Variants in VPS53 observed in about 807,000 individuals in gnomAD.
The protein encoded by VPS53 is vacuolar protein sorting-associated protein 53 homolog.
VPS53 carries 70 observed loss-of-function variants against 107.0 expected under a neutral mutation model. The ratio of observed to expected loss-of-function variants is 0.65; its 90% CI spans 0.54 to 0.80. The LOEUF is 0.80. Among genes scored for constraint, VPS53 ranks in the 30% least tolerant of loss-of-function variants. The pLI is 0.00. For missense variants in VPS53, 917 were observed against 1,049.4 expected, an observed-to-expected ratio of 0.87 and a Z score of 1.74; for synonymous variants, 409 against 393.3, an observed-to-expected ratio of 1.04 and a Z score of -0.47.
intron 17 of VPS53, among the ~76,000 whole-genome samples, chr17:544,387 C>T (rs1237334820): frequency 6.6e-6 from 1 of 152,220 alleles, no homozygotes; most frequent in Non-Finnish European, 1.5e-5. Flanking sequence ...TGCTTGCAAT[C>T]CCAGCAGTTT....
intron 12 of VPS53, among the ~76,000 whole-genome samples, chr17:594,106 C>T (rs1401702278): frequency 6.7e-6 from 1 of 150,360 alleles, no homozygotes; most frequent in African/African-American, 2.5e-5. Flanking sequence ...GGGAATTGAA[C>T]AATGAGAACA....
At chr17:523,433 G>T (rs975880649) in intron 19 of VPS53, 1 of 152,284 alleles carries the variant, frequency 6.6e-6, no homozygotes, top group African/African-American at 2.4e-5. Flanking sequence ...CTATCAGGTA[G>T]GTGAGAAATG....
At chr17:651,928 C>T (rs1970967679) in intron 7 of VPS53, among the ~76,000 whole-genome samples, 1 of 152,040 alleles carries the variant, frequency 6.6e-6, no homozygotes, top group African/African-American at 2.4e-5. Flanking sequence ...TAAAACTCAA[C>T]AGCAATAAGA....
intron 15 of VPS53, among the ~76,000 whole-genome samples, chr17:559,124 G>A (rs1912712414): frequency 6.6e-6 from 1 of 152,044 alleles, no homozygotes; most frequent in Admixed American, 6.6e-5. Context: ...TATAATGACA[G>A]GAGAAATGCT....
chr17:543,522 T>A (rs79477300), intron 17 of VPS53, among the ~76,000 whole-genome samples: 2,914 of 151,896 alleles, frequency 0.019, 81 homozygotes, highest in African/African-American at 0.067. Flanking sequence ...TGAGCAGCCC[T>A]AGGAAAAGGC....
intron 18 of VPS53, among the ~76,000 whole-genome samples, chr17:534,804 G>A (rs1251575941): frequency 1.3e-5 from 2 of 151,998 alleles, no homozygotes; most frequent in Non-Finnish European, 2.9e-5. Context: ...TGTAATCCCA[G>A]CTATTCAGGA....
chr17:542,776 C>T (rs1376208042), intron 17 of VPS53, among the ~76,000 whole-genome samples: 1 of 151,960 alleles, frequency 6.6e-6, no homozygotes, highest in Non-Finnish European at 1.5e-5. Context: ...GCCAGGAATT[C>T]GAGACCAGCC....
chr17:551,780 G>A (rs1370631834), intron 17 of VPS53, 92 bp downstream of exon 17: 11 of 1,162,280 alleles, frequency 9.5e-6, no homozygotes, highest in African/African-American at 4.7e-5. Context: ...TTTACGCTCC[G>A]ATGAGCCTGG....
chr17:579,110 T>TC (rs1371524524), intron 13 of VPS53, among the ~76,000 whole-genome samples: 1 of 148,972 alleles, frequency 6.7e-6, no homozygotes, highest in African/African-American at 2.5e-5. Context: ...CCTAATGCGG[T>TC]CCCAGAGAAC....
chr17:579,618 T>C (rs192952673), intron 13 of VPS53, among the ~76,000 whole-genome samples: 18 of 139,376 alleles, frequency 1.3e-4, no homozygotes, highest in African/African-American at 2.6e-4. Context: ...CCTCAGAACC[T>C]AATGCATTCC....
chr17:587,068 T>C lies in VPS53; in HGVS notation c.1219-704A>G, dbSNP rs409658. ...AAAAAAAAACAAATAAAGGGTTTTTTTGTTTGCTTTTTGAGACAGAGTCTC... is the reference window on the plus strand; with the variant it reads ...AAAAAAAAACAAATAAAGGGTTTTTCTGTTTGCTTTTTGAGACAGAGTCTC... On this transcript the variant is annotated intron_variant, in intron 12 of 21. Transcript: ENST00000437048. Among the ~76,000 whole-genome samples the C allele has an allele frequency of 8.9e-3, 1,356 of 152,260 alleles. 26 individuals carry two copies. The highest frequency in any genetic ancestry group is 0.031 in the African/African-American group (1,295 of 41,538).
At chr17:559,137 T>C (rs1347466755) in intron 15 of VPS53, among the ~76,000 whole-genome samples, 2 of 152,196 alleles carry the variant, frequency 1.3e-5, no homozygotes, top group Admixed American at 1.3e-4. Flanking sequence ...GAAATGCTAA[T>C]GCTATGTATG....
intron 13 of VPS53, among the ~76,000 whole-genome samples, chr17:584,819 C>A (rs1246660387): frequency 2.6e-5 from 4 of 152,178 alleles, no homozygotes; most frequent in African/African-American, 4.8e-5. Context: ...ACCCACTGTA[C>A]CTGGCCACGT....
chr17:620,876 G>A lies in VPS53; in HGVS notation c.1116+2657C>T, dbSNP rs572140665. Among the ~76,000 whole-genome samples the A allele has an allele frequency of 1.4e-4, 22 of 152,110 alleles. No individual in the cohort carries two copies. The South Asian group carries it at 3.7e-3, about 26-fold the overall frequency. ...TCCCACCTCAGCCTCTCAAAGTGCT[G>A]GGATTATAGGCATGAGCCACCGCAC... On this transcript the variant is annotated intron_variant, in intron 11 of 21. Transcript: ENST00000437048.
intron 4 of VPS53, among the ~76,000 whole-genome samples, chr17:692,067 C>G (rs1201062486): frequency 6.6e-6 from 1 of 152,152 alleles, no homozygotes; most frequent in Non-Finnish European, 1.5e-5. Flanking sequence ...TACATTGCAG[C>G]CAGGCTCCAT....
At chr17:686,266 GC>G (rs1317998046) in intron 4 of VPS53, among the ~76,000 whole-genome samples, 1 of 152,032 alleles carries the variant, frequency 6.6e-6, no homozygotes. Context: ...GCTAGAGTGA[GC>G]TACGATCCTG....
At chr17:708,170 C>T (rs940429207) in intron 2 of VPS53, among the ~76,000 whole-genome samples, 1 of 152,154 alleles carries the variant, frequency 6.6e-6, no homozygotes, top group East Asian at 1.9e-4. Context: ...GCCCGGGGCA[C>T]CACTACCACC....
chr17:680,806 C>T (rs561168337), intron 4 of VPS53, among the ~76,000 whole-genome samples: 101 of 152,310 alleles, frequency 6.6e-4, no homozygotes, highest in African/African-American at 2.2e-3. Flanking sequence ...AACAGATACA[C>T]TATGTAAAGT....
chr17:666,203 G>C (rs1971676325), intron 4 of VPS53, among the ~76,000 whole-genome samples: 1 of 152,136 alleles, frequency 6.6e-6, no homozygotes, highest in East Asian at 1.9e-4. Context: ...GCACAGGGCT[G>C]ACCCTTGGGC....
Sources: allele counts gnomAD v4.1 joint callset (sites outside exome capture counted in the v4.1 genomes callset), GRCh38; gene constraint gnomAD v4.1.1; transcripts MANE v1.5; gene names NCBI Gene and HGNC (gene_info 2026-07-23, HGNC 2026-07-21).